AIMP1: variants seen among roughly 807,000 people sequenced by gnomAD.
AIMP1 encodes the protein aminoacyl tRNA synthase complex-interacting multifunctional protein 1.
Under a neutral mutation model 33.1 loss-of-function variants are expected in AIMP1, and 24 were observed. The observed-to-expected ratio is 0.73, with a 90% CI of 0.53 to 1.02. The LOEUF is 1.02. AIMP1 is among the 50% of genes least tolerant of loss of function. The probability of loss-of-function intolerance (pLI) is 0.00; values close to 1 mark genes in which losing one functional copy is unlikely to be tolerated. For synonymous variants in AIMP1, 120 were observed against 121.5 expected (o/e 0.99, Z 0.08); for missense variants, 367 against 364.8 (o/e 1.01, Z -0.05).
In AIMP1 at chr4:106,331,665, T is replaced by C. The variant is rs1239655399; in HGVS notation, c.392-7T>C. 9.3e-6 allele frequency: 15 copies of C among 1,613,544 alleles called. No homozygotes were observed. The highest frequency in any genetic ancestry group is 1.3e-5 in the Non-Finnish European group (15 of 1,179,492). ...CTGATGTTTACCCATTCATAAATACTTTTTAGGAGAGAAGAAGGAGAAAAA... is the reference window on the plus strand; with the variant it reads ...CTGATGTTTACCCATTCATAAATACCTTTTAGGAGAGAAGAAGGAGAAAAA... On this transcript the variant is annotated splice_polypyrimidine_tract_variant and splice_region_variant and intron_variant, in intron 4 of 6. Coordinates refer to ENST00000672341, the MANE Select transcript of AIMP1 (RefSeq NM_001142416.2).
At chr4:106,330,939 A>T (rs1400773835) in intron 4 of AIMP1, among the ~76,000 whole-genome samples, 2 of 152,226 alleles carry the variant, frequency 1.3e-5, no homozygotes, top group East Asian at 3.8e-4. Context: ...TGTGTTAATA[A>T]GAGTTACATT....
chr4:106,321,628 C>A (rs570405516), intron 1 of AIMP1: 1 of 162,308 alleles, frequency 6.2e-6, no homozygotes, highest in Non-Finnish European at 1.3e-5. Context: ...TGGAGGGCGC[C>A]TCTGCCCGGC....
chr4:106,337,796 T>C (rs543834551), intron 6 of AIMP1, among the ~76,000 whole-genome samples: 5 of 152,092 alleles, frequency 3.3e-5, no homozygotes, highest in Non-Finnish European at 7.4e-5. Context: ...GCTCAGGAGA[T>C]AGGAAAATGT....
At chr4:106,325,746 C>A (rs1769429601) in intron 2 of AIMP1, among the ~76,000 whole-genome samples, 2 of 151,740 alleles carry the variant, frequency 1.3e-5, no homozygotes, top group African/African-American at 4.8e-5. Flanking sequence ...CATATTGCTC[C>A]CAATTTAGGA....
intron 5 of AIMP1, among the ~76,000 whole-genome samples, chr4:106,333,636 A>T (rs1769761791): frequency 6.6e-6 from 1 of 152,220 alleles, no homozygotes; most frequent in Non-Finnish European, 1.5e-5. Flanking sequence ...AGCTTCAGAA[A>T]ACAAACCATG....
chr4:106,319,326 A>G (rs1769106561), intron 1 of AIMP1, among the ~76,000 whole-genome samples: 2 of 152,180 alleles, frequency 1.3e-5, no homozygotes, highest in Non-Finnish European at 2.9e-5. Context: ...GTAAACAAAA[A>G]TGATAGTGAA....
chr4:106,333,886 C>T (rs1306100888), intron 5 of AIMP1, among the ~76,000 whole-genome samples: 1 of 152,146 alleles, frequency 6.6e-6, no homozygotes, highest in African/African-American at 2.4e-5. Context: ...CAAAAGTTTA[C>T]TTTCTTCCTT....
chr4:106,336,030 CTTTTTTTTT>C (rs34219049), intron 5 of AIMP1, among the ~76,000 whole-genome samples: 2 of 59,390 alleles, frequency 3.4e-5, no homozygotes, highest in Non-Finnish European at 6.1e-5. Flanking sequence ...GTTAAATGAT[CTTTTTTTTT>C]TTTTTTTTTT....
chr4:106,345,303 CAAGGTTGCA>C (rs1426723365), intron 6 of AIMP1, among the ~76,000 whole-genome samples: 1 of 152,130 alleles, frequency 6.6e-6, no homozygotes, highest in African/African-American at 2.4e-5. Flanking sequence ...CCTTTTGGGC[CAAGGTTGCA>C]AAGGTTGCAA....
At chr4:106,344,219 C>CT (rs1032440170) in intron 6 of AIMP1, among the ~76,000 whole-genome samples, 3 of 151,950 alleles carry the variant, frequency 2.0e-5, no homozygotes, top group Non-Finnish European at 4.4e-5. Flanking sequence ...ATTTGGACCT[C>CT]TTTTTTTTCC....
upstream of AIMP1, chr4:106,316,375 A>C (rs1408413246): frequency 3.1e-6 from 2 of 641,586 alleles, no homozygotes; most frequent in African/African-American, 3.6e-5. Context: ...TCGATTGAAA[A>C]TACTGGGTGA....
chr4:106,342,181 G>A (rs1224243155), intron 6 of AIMP1, among the ~76,000 whole-genome samples: 1 of 152,190 alleles, frequency 6.6e-6, no homozygotes, highest in Non-Finnish European at 1.5e-5. Flanking sequence ...AGCTCTGGGA[G>A]CCTTTTGGCA....
chr4:106,331,669 T>C lies in AIMP1; in HGVS notation c.392-3T>C, dbSNP rs1472112994. 2.5e-6 allele frequency: 4 copies of C among 1,613,758 alleles called. No homozygotes were observed. The highest frequency in any genetic ancestry group is 2.7e-5 in the African/African-American group (2 of 75,032). On this transcript the variant is annotated splice_polypyrimidine_tract_variant and splice_region_variant and intron_variant, in intron 4 of 6. Transcript: ENST00000672341. ...TGTTTACCCATTCATAAATACTTTT[T>C]AGGAGAGAAGAAGGAGAAAAAACAG...
intron 4 of AIMP1, among the ~76,000 whole-genome samples, chr4:106,328,684 T>C (rs1769551172): frequency 6.6e-6 from 1 of 152,166 alleles, no homozygotes; most frequent in Non-Finnish European, 1.5e-5. Flanking sequence ...CTAAAGTAGA[T>C]AGAAATGTCA....
chr4:106,328,499 A>G (rs554199822), intron 4 of AIMP1, among the ~76,000 whole-genome samples: 9 of 152,200 alleles, frequency 5.9e-5, no homozygotes, highest in Admixed American at 5.9e-4. Flanking sequence ...GTAAAGGTTA[A>G]GTGTAGAAAC....
chr4:106,321,840 G>A (rs1034119221), intron 1 of AIMP1, among the ~76,000 whole-genome samples: 22 of 152,248 alleles, frequency 1.4e-4, no homozygotes, highest in Non-Finnish European at 2.8e-4. Context: ...ACTCCATTTT[G>A]TTCTGTACTA....
chr4:106,336,646 G>A (rs1477090416), intron 5 of AIMP1, among the ~76,000 whole-genome samples: 1 of 151,998 alleles, frequency 6.6e-6, no homozygotes, highest in Non-Finnish European at 1.5e-5. Context: ...AAATTCCTCT[G>A]CTCTTTCAAC....
intron 1 of AIMP1, among the ~76,000 whole-genome samples, chr4:106,317,711 G>A (rs919478628): frequency 3.3e-5 from 5 of 152,114 alleles, no homozygotes; most frequent in African/African-American, 1.2e-4. Context: ...TTTCAGAGTG[G>A]CAAACACAAG....
At chr4:106,324,959 A>G in intron 1 of AIMP1, 26 bp from the exon 2 acceptor site, 1 of 1,569,086 alleles carries the variant, frequency 6.4e-7, no homozygotes, top group Non-Finnish European at 8.6e-7. Context: ...TCACAGTGTA[A>G]TTTATCACTT....
Sources: gnomAD v4.1 joint callset for allele counts (sites outside exome capture counted in the v4.1 genomes callset) on GRCh38, gnomAD v4.1.1 for gene constraint, MANE v1.5 for transcripts, NCBI Gene and HGNC (gene_info 2026-07-23, HGNC 2026-07-21) for gene names.